The following EVC2 variants were observed in gnomAD, a reference collection of about 807,000 sequenced individuals.
EVC2 encodes limbin.
In EVC2, 148 loss-of-function variants were observed where a neutral mutation model predicts 149.3. The ratio of observed to expected loss-of-function variants is 0.99; its 90% CI spans 0.87 to 1.14. EVC2 has a LOEUF of 1.14. Among genes scored for constraint, EVC2 ranks in the 50% most tolerant of loss-of-function variants. The probability of loss-of-function intolerance (pLI) is 0.00; values close to 1 mark genes in which losing one functional copy is unlikely to be tolerated. For synonymous variants in EVC2, 776 were observed against 649.9 expected, an observed-to-expected ratio of 1.19 and a Z score of -2.95; for missense variants, 1,854 against 1,627.3, an observed-to-expected ratio of 1.14 and a Z score of -2.40.
intron 21 of EVC2, among the ~76,000 whole-genome samples, chr4:5,550,153 G>A (rs567559513): frequency 6.6e-6 from 1 of 152,290 alleles, no homozygotes; most frequent in South Asian, 2.1e-4. Flanking sequence ...GGAGTGGGGT[G>A]CTGCTGAAAA....
chr4:5,580,062 C>T (rs905092034), intron 17 of EVC2, among the ~76,000 whole-genome samples: 15 of 152,128 alleles, frequency 9.9e-5, no homozygotes, highest in African/African-American at 3.6e-4. Context: ...GAGTCTAAAT[C>T]TTTCATCAGA....
chr4:5,703,192 T>C (rs924092119), intron 1 of EVC2, among the ~76,000 whole-genome samples: 2 of 152,196 alleles, frequency 1.3e-5, no homozygotes, highest in East Asian at 3.8e-4. Flanking sequence ...TTGCTTAAAG[T>C]CAAAGTATCC....
intron 16 of EVC2, among the ~76,000 whole-genome samples, chr4:5,602,976 G>A (rs1371107358): frequency 6.6e-6 from 1 of 152,158 alleles, no homozygotes; most frequent in African/African-American, 2.4e-5. Context: ...GCATGGCTGG[G>A]GGAAGCTGCT....
At chr4:5,680,809 G>A (rs544241352) in intron 7 of EVC2, among the ~76,000 whole-genome samples, 2 of 152,366 alleles carry the variant, frequency 1.3e-5, no homozygotes, top group East Asian at 3.9e-4. Context: ...GAATACATGA[G>A]TGAGTGAACA....
chr4:5,568,611 C>A lies in EVC2; in HGVS notation c.3390G>T (p.Arg1130Ser). Reference sequence around the variant, plus strand: ...GCGTGGCCCCGGGCACCATGGCCATCCTCGCCAGGTACGATGCCAGTCTCA... The same window carrying A: ...GCGTGGCCCCGGGCACCATGGCCATACTCGCCAGGTACGATGCCAGTCTCA... ...QELRLASYLA[R>S]MAMVPGATLR... The change falls in exon 20 of 22, where the codon AGG (arginine) becomes AGT (serine). Residue 1130 changes from arginine (R) to serine (S), a missense_variant. Coordinates refer to ENST00000344408, the MANE Select transcript of EVC2 (RefSeq NM_147127.5). The A allele has an allele frequency of 4.4e-6, 7 of 1,609,122 alleles. No individual in the cohort carries two copies. The highest frequency in any genetic ancestry group is 5.9e-6 in the Non-Finnish European group (7 of 1,179,810).
chr4:5,648,177 C>T (rs1717863742), intron 9 of EVC2, among the ~76,000 whole-genome samples: 1 of 152,168 alleles, frequency 6.6e-6, no homozygotes, highest in Non-Finnish European at 1.5e-5. Context: ...CATCAGAATT[C>T]TTCCCTTCTA....
downstream of EVC2, among the ~76,000 whole-genome samples, chr4:5,561,798 TAA>T (rs1352436739): frequency 1.3e-5 from 2 of 152,168 alleles, no homozygotes; most frequent in East Asian, 3.9e-4. Flanking sequence ...TAGTGATCAT[TAA>T]AAAGTAGGTT....
chr4:5,593,687 T>G (rs1168995831), intron 16 of EVC2, among the ~76,000 whole-genome samples: 1 of 152,110 alleles, frequency 6.6e-6, no homozygotes, highest in East Asian at 1.9e-4. Context: ...GGTACCGGGA[T>G]CATCTCACTA....
Position 5,576,253 on chromosome 4 carries a change from G to C in EVC2, c.3259C>G (p.Gln1087Glu). Residue 1087 changes from glutamine to glutamate, a missense_variant, in exon 18 of 22, where the codon CAA (glutamine) becomes GAA (glutamate). By Grantham distance (29) the Gln-to-Glu change is conservative (BLOSUM62 2). Transcript: ENST00000344408. This position sits in a 1 kb window ranked among gnomAD's most constrained non-coding sequence, Gnocchi z 4.5. ...ALSKSQTLLE[Q>E]HQQCLREEQQ... Reference sequence around the variant, plus strand: ...CACACGGCATACCACTGCTGATGTTGCTCCAGTAATGTCTGGCTCTTGCTC... The same window carrying C: ...CACACGGCATACCACTGCTGATGTTCCTCCAGTAATGTCTGGCTCTTGCTC... 6.2e-7 allele frequency: 1 copy of C among 1,614,142 alleles called. No individual in the cohort carries two copies. The highest frequency in any genetic ancestry group is 1.3e-5 in the African/African-American group (1 of 75,022).
intron 20 of EVC2, among the ~76,000 whole-genome samples, chr4:5,568,100 C>T (rs186750581): frequency 1.8e-4 from 28 of 152,300 alleles, no homozygotes; most frequent in African/African-American, 6.0e-4. Flanking sequence ...TGCTCCCACA[C>T]TTGCAGACAC....
At chr4:5,581,379 T>C (rs1013299207) in intron 17 of EVC2, among the ~76,000 whole-genome samples, 7 of 152,200 alleles carry the variant, frequency 4.6e-5, no homozygotes, top group Admixed American at 2.0e-4. Context: ...CTGATTGTGA[T>C]ATGGACAATG....
chr4:5,677,771 C>G lies in EVC2; in HGVS notation c.870+3489G>C, dbSNP rs1001959592. ...CTGTTGAGTGCCACCTACAATGTAC[C>G]GCACAGTGGGGGACACAGGCAAATC... On this transcript the variant is annotated intron_variant, in intron 7 of 21. Coordinates refer to ENST00000344408, the MANE Select transcript of EVC2 (RefSeq NM_147127.5). This position sits in a 1 kb window ranked among gnomAD's most constrained non-coding sequence, Gnocchi z 4.3. 2.0e-5 allele frequency among the ~76,000 whole-genome samples: 3 copies of G among 152,200 alleles called. No individual in the cohort carries two copies. Among genetic ancestry groups the G allele is most frequent in the Non-Finnish European group, 2.9e-5 (2 of 68,044 alleles).
rs367680967 is a variant in EVC2, at chr4:5,563,099, A to G, written c.3676T>C (p.Cys1226Arg). Residue 1226 changes from cysteine to arginine, a missense_variant, in exon 22 of 22, where the codon TGT becomes CGT. Transcript: ENST00000344408. ...ATCATCCTCTCTCTGAGAGGGAGAC[A>G]TGTCTTCTTTAATATGCTAAAGAAA... Reference protein sequence around the residue: ...KRKQSILKKTCLPLRERMIFS... With the variant: ...KRKQSILKKTRLPLRERMIFS... 8 of 1,613,850 alleles carry G rather than the reference A, an allele frequency of 5.0e-6. No individual in the cohort carries two copies. The highest frequency in any genetic ancestry group is 1.3e-5 in the African/African-American group (1 of 74,906).
chr4:5,646,018 C>T (rs1012505767), intron 9 of EVC2, among the ~76,000 whole-genome samples: 2 of 152,182 alleles, frequency 1.3e-5, no homozygotes, highest in Non-Finnish European at 2.9e-5. Context: ...CAACCTCCAC[C>T]TCCCGGGTTC....
intron 17 of EVC2, among the ~76,000 whole-genome samples, chr4:5,579,982 A>AATTTGCCT (rs1294958442): frequency 2.6e-5 from 4 of 152,210 alleles, no homozygotes; most frequent in South Asian, 2.1e-4. Flanking sequence ...ACCCCATTTA[A>AATTTGCCT]ATTTGCCTAT....
intron 9 of EVC2, among the ~76,000 whole-genome samples, chr4:5,645,024 T>C (rs1717606729): frequency 1.3e-5 from 2 of 152,224 alleles, no homozygotes; most frequent in Admixed American, 1.3e-4. Context: ...TGATTTCCTT[T>C]CTTTTGGACA....
intron 1 of EVC2, among the ~76,000 whole-genome samples, chr4:5,700,207 G>A (rs1466250252): frequency 6.6e-6 from 1 of 152,108 alleles, no homozygotes; most frequent in Admixed American, 6.5e-5. Context: ...GGGCAGAGGA[G>A]GTATATGTGA....
exon 22 of EVC2, chr4:5,543,069 C>A: frequency 8.7e-7 from 1 of 1,144,684 alleles, no homozygotes; most frequent in Non-Finnish European, 1.2e-6. Context: ...GAGGCTCCAA[C>A]GATTGCACTG....
rs551772544 is a variant in EVC2 at position 5,677,611 on chromosome 4, G to A, written c.870+3649C>T. ...CATCCATAAGTGAGCCTGCGGCATC[G>A]GGGAAGAGCTCAGAAATACCCTTAC... On this transcript the variant is annotated intron_variant, in intron 7 of 21. Coordinates refer to ENST00000344408, the MANE Select transcript of EVC2 (RefSeq NM_147127.5). The surrounding 1 kb of genome is among the most constrained non-coding windows in gnomAD (Gnocchi z 4.3). Among the ~76,000 whole-genome samples, 19 of 152,326 alleles carry A rather than the reference G, an allele frequency of 1.2e-4. No homozygotes were observed. Among genetic ancestry groups the A allele is most frequent in the Middle Eastern group, 3.4e-3 (1 of 292 alleles).
Sources: allele counts gnomAD v4.1 joint callset (sites outside exome capture counted in the v4.1 genomes callset), GRCh38; gene constraint gnomAD v4.1.1; non-coding constraint Gnocchi (gnomAD v3.1); transcripts MANE v1.5; gene names NCBI Gene and HGNC (gene_info 2026-07-23, HGNC 2026-07-21).